NPAS3: variants seen among roughly 807,000 people sequenced by gnomAD.
The protein encoded by NPAS3 is neuronal PAS domain-containing protein 3.
Under a neutral mutation model 73.1 loss-of-function variants are expected in NPAS3, and 14 were observed. The observed-to-expected ratio is 0.19, with a 90% CI of 0.13 to 0.30. The LOEUF is 0.30. Ranked by LOEUF, NPAS3 falls within the 10% of genes least tolerant of loss-of-function variation. The pLI is 1.00. For missense variants in NPAS3, 1,096 were observed against 1,250.0 expected (o/e 0.88, Z 1.86); for synonymous variants, 620 against 541.5 (o/e 1.14, Z -2.01).
At chr14:32,946,346 G>GCA (rs5807694) in intron 1 of NPAS3, among the ~76,000 whole-genome samples, 43,857 of 131,822 alleles carry the variant, frequency 0.33, 7,430 homozygotes, top group Middle Eastern at 0.5. Flanking sequence ...ACACACACAC[G>GCA]CGCACACACA....
intron 4 of NPAS3, among the ~76,000 whole-genome samples, chr14:33,381,704 T>C (rs1240480919): frequency 2.0e-5 from 3 of 152,192 alleles, no homozygotes; most frequent in African/African-American, 7.2e-5. Context: ...ACAATGGAAG[T>C]TTTTCAAGTG....
At chr14:33,601,855 AACCAAGAGT>A (rs1469060048) in intron 5 of NPAS3, among the ~76,000 whole-genome samples, 2 of 152,232 alleles carry the variant, frequency 1.3e-5, no homozygotes, top group Non-Finnish European at 2.9e-5. Context: ...TTCTTCCTCT[AACCAAGAGT>A]AATAGGGTTT....
intron 1 of NPAS3, among the ~76,000 whole-genome samples, chr14:32,946,600 T>C (rs541904842): frequency 6.6e-6 from 1 of 152,270 alleles, no homozygotes; most frequent in Non-Finnish European, 1.5e-5. Flanking sequence ...TTGGATGTAA[T>C]ATTGTCAACT....
At chr14:33,127,642 G>A (rs1191867520) in intron 2 of NPAS3, among the ~76,000 whole-genome samples, 1 of 152,104 alleles carries the variant, frequency 6.6e-6, no homozygotes, top group African/African-American at 2.4e-5. Flanking sequence ...GTCCTAGAAA[G>A]CTGGCAGGTA....
intron 3 of NPAS3, among the ~76,000 whole-genome samples, chr14:33,360,284 A>G (rs1272040039): frequency 1.4e-5 from 2 of 147,154 alleles, no homozygotes; most frequent in Non-Finnish European, 3.0e-5. Context: ...CTCCTATTCT[A>G]TATTCTTTAT....
At chr14:32,942,313 C>A (rs2036050977) in intron 1 of NPAS3, among the ~76,000 whole-genome samples, 1 of 152,080 alleles carries the variant, frequency 6.6e-6, no homozygotes, top group Non-Finnish European at 1.5e-5. Context: ...AAATGTCTAA[C>A]CTGTGTATAG....
chr14:32,989,125 G>T (rs923328121), intron 1 of NPAS3, among the ~76,000 whole-genome samples: 1 of 152,226 alleles, frequency 6.6e-6, no homozygotes, highest in Non-Finnish European at 1.5e-5. Flanking sequence ...GTGGCATAGA[G>T]CTGGGCTACC....
At chr14:33,685,451 G>GT (rs1461856202) in intron 6 of NPAS3, among the ~76,000 whole-genome samples, 1 of 152,162 alleles carries the variant, frequency 6.6e-6, no homozygotes, top group Non-Finnish European at 1.5e-5. Flanking sequence ...TCAAGGGTAG[G>GT]TTTTTGTTCA....
intron 4 of NPAS3, among the ~76,000 whole-genome samples, chr14:33,414,878 G>C (rs1368122421): frequency 3.3e-5 from 5 of 152,038 alleles, no homozygotes; most frequent in Non-Finnish European, 7.4e-5. Context: ...ATTGCATTTA[G>C]GGTATGAAAG....
At chr14:32,955,810 T>C (rs781661840) in intron 1 of NPAS3, among the ~76,000 whole-genome samples, 3 of 152,120 alleles carry the variant, frequency 2.0e-5, no homozygotes, top group Non-Finnish European at 2.9e-5. Context: ...ACGCATAACA[T>C]ACCCCATGAT....
intron 5 of NPAS3, among the ~76,000 whole-genome samples, chr14:33,597,227 G>A (rs2057270214): frequency 6.6e-6 from 1 of 152,136 alleles, no homozygotes; most frequent in Non-Finnish European, 1.5e-5. Flanking sequence ...TCAGCTGTGA[G>A]CTACTTTCAC....
At chr14:33,625,087 A>G (rs1175573038) in intron 5 of NPAS3, among the ~76,000 whole-genome samples, 2 of 152,208 alleles carry the variant, frequency 1.3e-5, no homozygotes, top group Non-Finnish European at 2.9e-5. Flanking sequence ...AGAAACATAA[A>G]TAATGTGCCA....
intron 2 of NPAS3, among the ~76,000 whole-genome samples, chr14:33,198,186 G>C (rs934010794): frequency 6.6e-6 from 1 of 152,204 alleles, no homozygotes; most frequent in Non-Finnish European, 1.5e-5. Flanking sequence ...GACCCAAAGA[G>C]TGAGCAACAG....
chr14:33,630,411 T>C (rs928196498), intron 5 of NPAS3, among the ~76,000 whole-genome samples: 1 of 152,238 alleles, frequency 6.6e-6, no homozygotes, highest in Non-Finnish European at 1.5e-5. Flanking sequence ...ACAGTTTCAG[T>C]TCTTAGTATT....
intron 4 of NPAS3, among the ~76,000 whole-genome samples, chr14:33,448,424 A>G (rs891745259): frequency 2.0e-5 from 3 of 152,196 alleles, no homozygotes; most frequent in Non-Finnish European, 4.4e-5. Context: ...TGGCAACTGC[A>G]AAAGAAGCTC....
chr14:33,486,544 T>C (rs745979800), intron 4 of NPAS3, among the ~76,000 whole-genome samples: 1 of 152,194 alleles, frequency 6.6e-6, no homozygotes, highest in Non-Finnish European at 1.5e-5. Flanking sequence ...TAAACTCCTG[T>C]TAGCTATAAC....
At chr14:33,363,953 G>GTGTGTGTT in intron 3 of NPAS3, among the ~76,000 whole-genome samples, 1 of 145,462 alleles carries the variant, frequency 6.9e-6, no homozygotes, top group African/African-American at 2.6e-5. Context: ...TGTGTGTTGT[G>GTGTGTGTT]TGTGTGTGTA....
intron 3 of NPAS3, among the ~76,000 whole-genome samples, chr14:33,358,436 T>C (rs1263632220): frequency 1.3e-5 from 2 of 152,100 alleles, no homozygotes; most frequent in East Asian, 3.9e-4. Context: ...GCCTGGAACA[T>C]GCATCTGTAG....
At chr14:33,404,312 G>A (rs1408693682) in intron 4 of NPAS3, among the ~76,000 whole-genome samples, 2 of 152,054 alleles carry the variant, frequency 1.3e-5, no homozygotes, top group East Asian at 1.9e-4. Flanking sequence ...TTAATGTTGA[G>A]TCATTACTCT....
Sources: gnomAD v4.1 joint callset for allele counts (sites outside exome capture counted in the v4.1 genomes callset) on GRCh38, gnomAD v4.1.1 for gene constraint, MANE v1.5 for transcripts, NCBI Gene and HGNC (gene_info 2026-07-23, HGNC 2026-07-21) for gene names.